Variants in ENTREP1 observed in about 807,000 individuals in gnomAD.
The protein encoded by ENTREP1 is endosomal transmembrane epsin interactor 1, also known as Friedreich ataxia region gene X123.
At chr9:69,383,786 G>A in the ENTREP1 span, 1 of 1,613,798 alleles carries the variant, frequency 6.2e-7, no homozygotes, top group Admixed American at 1.7e-5. Context: ...ATCTCTCTAA[G>A]TACATTGACT....
chr9:69,336,109 T>C, the ENTREP1 span: 1 of 562,998 alleles, frequency 1.8e-6, no homozygotes, highest in Non-Finnish European at 3.0e-6. Flanking sequence ...TGATTTAGAA[T>C]GCTTTGAAAT....
At chr9:69,378,679 A>T in the ENTREP1 span, among the ~76,000 whole-genome samples, 131 of 152,098 alleles carry the variant, frequency 8.6e-4, 2 homozygotes, top group African/African-American at 2.9e-3. Context: ...GAATGGCATG[A>T]ACCTGGGAGG....
the ENTREP1 span, among the ~76,000 whole-genome samples, chr9:69,355,044 T>TA: frequency 1.6e-4 from 24 of 151,684 alleles, no homozygotes; most frequent in Non-Finnish European, 2.4e-4. Context: ...AGCCTCGCTT[T>TA]AAAAAAAAAT....
the ENTREP1 span, chr9:69,384,114 T>G: frequency 3.2e-6 from 3 of 945,748 alleles, no homozygotes; most frequent in East Asian, 7.6e-5. Flanking sequence ...TCCCAGCACT[T>G]TGGGAGGCCG....
At chr9:69,389,038 G>T in the ENTREP1 span, among the ~76,000 whole-genome samples, 1 of 152,152 alleles carries the variant, frequency 6.6e-6, no homozygotes, top group Non-Finnish European at 1.5e-5. Flanking sequence ...TTGGGTCTCA[G>T]GTTTCTCCTC....
At chr9:69,332,521 G>A in the ENTREP1 span, among the ~76,000 whole-genome samples, 9 of 152,146 alleles carry the variant, frequency 5.9e-5, no homozygotes, top group South Asian at 2.1e-4. Flanking sequence ...TCCCCAGTGA[G>A]GCCTTAAAGA....
chr9:69,339,083 G>A, the ENTREP1 span, among the ~76,000 whole-genome samples: 1 of 152,036 alleles, frequency 6.6e-6, no homozygotes, highest in Non-Finnish European at 1.5e-5. Context: ...GTGGTGGCGT[G>A]ATCACTGCTC....
chr9:69,341,755 G>A, the ENTREP1 span, among the ~76,000 whole-genome samples: 3 of 152,188 alleles, frequency 2.0e-5, no homozygotes, highest in African/African-American at 7.2e-5. Context: ...TACAAAATGA[G>A]CTGTGAAGCT....
chr9:69,384,583 C>T, the ENTREP1 span, among the ~76,000 whole-genome samples: 1 of 152,188 alleles, frequency 6.6e-6, no homozygotes, highest in East Asian at 1.9e-4. Context: ...GGTCATGCTG[C>T]CCGAGCAGCT....
chr9:69,360,711 CT>C, the ENTREP1 span, among the ~76,000 whole-genome samples: 1 of 152,128 alleles, frequency 6.6e-6, no homozygotes, highest in Non-Finnish European at 1.5e-5. Context: ...TTACTATCAT[CT>C]TTATCATCCT....
the ENTREP1 span, chr9:69,377,430 G>A: frequency 1.1e-5 from 18 of 1,613,932 alleles, no homozygotes; most frequent in Admixed American, 1.7e-5. Flanking sequence ...CTTGGTGGCC[G>A]CTGCCCTCCG....
the ENTREP1 span, among the ~76,000 whole-genome samples, chr9:69,358,483 A>G: frequency 6.6e-5 from 10 of 152,164 alleles, no homozygotes; most frequent in Non-Finnish European, 1.3e-4. Context: ...CAGATTTTCT[A>G]CCCCACTGGA....
At chr9:69,371,348 GA>G in the ENTREP1 span, 7 of 741,760 alleles carry the variant, frequency 9.4e-6, no homozygotes, top group South Asian at 5.8e-5. Flanking sequence ...TCTAAAATGT[GA>G]AAAAAAGTTT....
At chr9:69,335,834 A>G in the ENTREP1 span, among the ~76,000 whole-genome samples, 4 of 147,090 alleles carry the variant, frequency 2.7e-5, no homozygotes, top group East Asian at 2.0e-4. Flanking sequence ...GTGTGGTGAC[A>G]TGCGCCTGTA....
At chr9:69,336,195 G>A in the ENTREP1 span, 2 of 1,411,628 alleles carry the variant, frequency 1.4e-6, no homozygotes, top group South Asian at 1.3e-5. Flanking sequence ...CTATATTTAT[G>A]ATAGTTTATC....
the ENTREP1 span, among the ~76,000 whole-genome samples, chr9:69,328,110 C>T: frequency 1.3e-5 from 2 of 152,284 alleles, no homozygotes; most frequent in East Asian, 3.9e-4. Flanking sequence ...ATACCTTTCA[C>T]CCAGCTTCAA....
At chr9:69,388,505 T>C in the ENTREP1 span, 1 of 1,358,792 alleles carries the variant, frequency 7.4e-7, no homozygotes, top group East Asian at 2.4e-5. Flanking sequence ...TCATAGCAGC[T>C]AAAGTGGCTT....
At chr9:69,327,964 A>G in the ENTREP1 span, among the ~76,000 whole-genome samples, 1 of 152,208 alleles carries the variant, frequency 6.6e-6, no homozygotes, top group Non-Finnish European at 1.5e-5. Flanking sequence ...TTTAGGCACC[A>G]TGACTCTCTT....
chr9:69,371,237 A>T, the ENTREP1 span: 1 of 465,790 alleles, frequency 2.1e-6, no homozygotes, highest in Non-Finnish European at 3.9e-6. Flanking sequence ...TGGGTGGAAG[A>T]TAAGGGAGTA....
Sources: gnomAD v4.1 joint callset for allele counts (sites outside exome capture counted in the v4.1 genomes callset) on GRCh38, gnomAD v4.1.1 for gene constraint, MANE v1.5 for transcripts, NCBI Gene and HGNC (gene_info 2026-07-23, HGNC 2026-07-21) for gene names.